Variants in PTPRK observed in about 807,000 individuals in gnomAD.
PTPRK encodes protein tyrosine phosphatase receptor type K, also known as receptor-type tyrosine-protein phosphatase kappa.
Under a neutral mutation model 178.0 loss-of-function variants are expected in PTPRK, and 75 were observed. That is an observed-to-expected ratio of 0.42 (90% CI 0.35 to 0.51). PTPRK has a LOEUF of 0.51. Among genes scored for constraint, PTPRK ranks in the 20% least tolerant of loss-of-function variants. PTPRK has a pLI of 0.02. For synonymous variants in PTPRK, 637 were observed against 620.6 expected, an observed-to-expected ratio of 1.03 and a Z score of -0.39; for missense variants, 1,441 against 1,797.8, an observed-to-expected ratio of 0.80 and a Z score of 3.59.
intron 2 of PTPRK, among the ~76,000 whole-genome samples, chr6:128,328,898 T>A (rs1342864270): frequency 1.3e-5 from 2 of 152,184 alleles, no homozygotes; most frequent in Non-Finnish European, 2.9e-5. Context: ...AGTATCTGTC[T>A]CAATAGAAGG....
intron 3 of PTPRK, among the ~76,000 whole-genome samples, chr6:128,302,059 A>C (rs972567688): frequency 5.3e-5 from 8 of 152,158 alleles, no homozygotes; most frequent in Non-Finnish European, 8.8e-5. Context: ...AAAGCTAACC[A>C]AAGACAAACC....
At chr6:128,293,141 G>C (rs1374913196) in intron 3 of PTPRK, among the ~76,000 whole-genome samples, 1 of 152,004 alleles carries the variant, frequency 6.6e-6, no homozygotes, top group Non-Finnish European at 1.5e-5. Flanking sequence ...TATCAGTATA[G>C]AATAAGTGGA....
At chr6:128,506,561 G>T (rs1332667299) in intron 1 of PTPRK, among the ~76,000 whole-genome samples, 1 of 150,824 alleles carries the variant, frequency 6.6e-6, no homozygotes, top group African/African-American at 2.4e-5. Context: ...TCTGAAGGCT[G>T]AGGCAGGAGT....
At chr6:128,317,406 A>G (rs942314126) in intron 3 of PTPRK, among the ~76,000 whole-genome samples, 1 of 152,028 alleles carries the variant, frequency 6.6e-6, no homozygotes, top group South Asian at 2.1e-4. Context: ...CCACTGTCTT[A>G]TAGCCCTGTT....
rs143455095 is a variant in PTPRK, at chr6:128,020,157, G to C, written c.2195-10889C>G. Among the ~76,000 whole-genome samples, 22 of 152,210 alleles carry C rather than the reference G, an allele frequency of 1.4e-4. No individual in the cohort carries two copies. The East Asian group carries it at 4.1e-3, about 28-fold the overall frequency. ...ACATTTATGCCAAAGGTAAAGGAAG[G>C]AAAGGAGTGTAAATCACAAGAAACT... On this transcript the variant is annotated intron_variant, in intron 13 of 29. Coordinates refer to ENST00000368226, the MANE Select transcript of PTPRK (RefSeq NM_002844.4).
rs757484072 is a variant in PTPRK, at chr6:128,328,143, A to T, written c.224-5833T>A. Among the ~76,000 whole-genome samples, 99 of 152,222 alleles carry T rather than the reference A, an allele frequency of 6.5e-4. 1 individual carries two copies. Among genetic ancestry groups the T allele is most frequent in the Admixed American group, 4.3e-3 (66 of 15,272 alleles). On this transcript the variant is annotated intron_variant, in intron 2 of 29. Coordinates refer to ENST00000368226, the MANE Select transcript of PTPRK (RefSeq NM_002844.4). ...AAAACAAACTTAGGATCACAATTCAACCAAGAATAGATGATCCTTCTTTCT... is the reference window on the plus strand; with the variant it reads ...AAAACAAACTTAGGATCACAATTCATCCAAGAATAGATGATCCTTCTTTCT...
chr6:128,163,442 T>A (rs972026065), intron 7 of PTPRK, among the ~76,000 whole-genome samples: 6 of 151,438 alleles, frequency 4.0e-5, no homozygotes, highest in Non-Finnish European at 7.4e-5. Context: ...ATAAAATAGG[T>A]AGCTTGGTAG....
chr6:128,058,228 G>C (rs1780227677), intron 13 of PTPRK, among the ~76,000 whole-genome samples: 1 of 152,172 alleles, frequency 6.6e-6, no homozygotes, highest in Admixed American at 6.5e-5. Flanking sequence ...AGTCCATGTT[G>C]CTAGACAGTT....
At chr6:128,087,201 A>G (rs1000665398) in intron 8 of PTPRK, among the ~76,000 whole-genome samples, 7 of 152,164 alleles carry the variant, frequency 4.6e-5, no homozygotes, top group Non-Finnish European at 2.9e-5. Context: ...TGTGGGAAAG[A>G]AGGGCAAACT....
chr6:128,258,028 AT>A (rs1199363947), intron 3 of PTPRK, among the ~76,000 whole-genome samples: 1 of 152,190 alleles, frequency 6.6e-6, no homozygotes, highest in Non-Finnish European at 1.5e-5. Flanking sequence ...TGGCCAGAAT[AT>A]ATTTTATTCA....
chr6:128,166,209 T>A (rs183108937), intron 7 of PTPRK, among the ~76,000 whole-genome samples: 272 of 151,834 alleles, frequency 1.8e-3, no homozygotes, highest in Non-Finnish European at 3.6e-3. Flanking sequence ...CTAGATAGGC[T>A]CCACTTTATC....
intron 1 of PTPRK, among the ~76,000 whole-genome samples, chr6:128,414,967 A>T (rs1842682952): frequency 6.6e-6 from 1 of 152,242 alleles, no homozygotes; most frequent in African/African-American, 2.4e-5. Context: ...TGCTTTAAAG[A>T]ACAGTTCATT....
At chr6:128,019,612 C>T (rs189495367) in intron 13 of PTPRK, among the ~76,000 whole-genome samples, 1 of 151,956 alleles carries the variant, frequency 6.6e-6, no homozygotes, top group Admixed American at 6.5e-5. Context: ...TTGTTTCCTT[C>T]CTTTCATTAA....
chr6:127,971,091 C>A (rs1170613882), intron 29 of PTPRK, among the ~76,000 whole-genome samples: 2 of 152,068 alleles, frequency 1.3e-5, no homozygotes, highest in Non-Finnish European at 2.9e-5. Flanking sequence ...AAATTTTGAG[C>A]CTACTTATAC....
Position 127,970,184 on chromosome 6 carries a change from G to A in PTPRK, c.*43C>T. On this transcript the variant is annotated 3_prime_UTR_variant, in exon 30 of 30. Coordinates refer to ENST00000368226, the MANE Select transcript of PTPRK (RefSeq NM_002844.4). ...TACAACAGCTGCTGGCTCAATAGAT[G>A]GACAGGTTTCTTCATGGATGCACTT... The A allele has an allele frequency of 6.7e-7, 1 of 1,501,904 alleles. No individual in the cohort carries two copies. Among genetic ancestry groups the A allele is most frequent in the Non-Finnish European group, 9.2e-7 (1 of 1,087,928 alleles). 93.0% of individuals were successfully genotyped at this position (1,501,904 alleles called of 1,614,324 possible). A position where few individuals can be genotyped will look rare whatever the true frequency, so the allele number is the denominator to read the frequency against.
chr6:128,455,901 C>T (rs1352803035), intron 1 of PTPRK, among the ~76,000 whole-genome samples: 1 of 152,040 alleles, frequency 6.6e-6, no homozygotes, highest in East Asian at 1.9e-4. Context: ...CTTTTGAACA[C>T]CTAATTTAGG....
At chr6:128,299,317 T>G (rs1291173367) in intron 3 of PTPRK, among the ~76,000 whole-genome samples, 1 of 46 alleles carries the variant, frequency 0.022, no homozygotes, top group Non-Finnish European at 0.056. Flanking sequence ...ATAGATTCAA[T>G]GCCATCCCCC....
intron 13 of PTPRK, among the ~76,000 whole-genome samples, chr6:128,049,980 T>C (rs1368739233): frequency 1.3e-5 from 2 of 151,974 alleles, no homozygotes; most frequent in Non-Finnish European, 2.9e-5. Context: ...CTACTAAAAA[T>C]ACAAAATTAG....
intron 1 of PTPRK, among the ~76,000 whole-genome samples, chr6:128,451,295 C>T (rs1453032959): frequency 6.6e-6 from 1 of 151,882 alleles, no homozygotes; most frequent in Non-Finnish European, 1.5e-5. Flanking sequence ...AAAGATCCAC[C>T]CAAACTACAA....
Sources: gnomAD v4.1 joint callset for allele counts (sites outside exome capture counted in the v4.1 genomes callset) on GRCh38, gnomAD v4.1.1 for gene constraint, MANE v1.5 for transcripts, NCBI Gene and HGNC (gene_info 2026-07-23, HGNC 2026-07-21) for gene names.